Variants in SPOCK3 observed in about 807,000 individuals in gnomAD.
The protein encoded by SPOCK3 is testican-3.
A neutral mutation model predicts 56.6 loss-of-function variants in SPOCK3; 30 were observed. The ratio of observed to expected loss-of-function variants is 0.53; its 90% CI spans 0.40 to 0.72. The LOEUF (loss-of-function observed/expected upper bound fraction) is 0.72. SPOCK3 is among the 30% of genes least tolerant of loss of function. The pLI, the probability that SPOCK3 is intolerant of heterozygous loss-of-function variation, is 0.00. For synonymous variants in SPOCK3, 196 were observed against 183.3 expected (o/e 1.07, Z -0.56); for missense variants, 527 against 530.0 (o/e 0.99, Z 0.06).
At chr4:166,832,594 C>T (rs1043497145) in intron 6 of SPOCK3, among the ~76,000 whole-genome samples, 1 of 152,010 alleles carries the variant, frequency 6.6e-6, no homozygotes, top group African/African-American at 2.4e-5. Flanking sequence ...ATTGTTCTAC[C>T]AAAAAGACAC....
At position 167,073,183 on chromosome 4, in the gene SPOCK3, A is replaced by T. The variant is rs528145465; in HGVS notation, c.190-10646T>A. ...ATTATCTTAGTGTTCATAATTCATA[A>T]TTTTAAATCATCTATAATGCTAAAT... On this transcript the variant is annotated intron_variant, in intron 2 of 10. Transcript: ENST00000357545. Among the ~76,000 whole-genome samples, 5 of 151,800 alleles carry T rather than the reference A, an allele frequency of 3.3e-5. No individual in the cohort carries two copies. The East Asian group carries it at 7.8e-4, about 24-fold the overall frequency.
chr4:167,205,534 A>G (rs1311258477), intron 2 of SPOCK3, among the ~76,000 whole-genome samples: 4 of 56,922 alleles, frequency 7.0e-5, no homozygotes, highest in Non-Finnish European at 8.6e-5. Flanking sequence ...ATATTATTAT[A>G]TAATATATAT....
In SPOCK3 at chr4:166,754,683, C is replaced by A. The variant is rs1157614435; in HGVS notation, c.756G>T (p.Trp252Cys). Reference sequence around the variant, plus strand: ...AGTTTGTATCAAGTCTGTTAAACATCCAGCCAAGTGAGTCCTTGCAAATTG... The same window carrying A: ...AGTTTGTATCAAGTCTGTTAAACATACAGCCAAGTGAGTCCTTGCAAATTG... ...ILPICKDSLG[W>C]MFNRLDTNYD... is the part of the protein sequence containing the mutation. The change falls in exon 8 of 11, where the codon TGG becomes TGT. Residue 252 changes from tryptophan (W) to cysteine (C), a missense_variant. Transcript: ENST00000357545. 6.2e-7 allele frequency: 1 copy of A among 1,613,634 alleles called. No individual in the cohort carries two copies. The highest frequency in any genetic ancestry group is 1.7e-5 in the Admixed American group (1 of 59,938).
At chr4:166,905,083 A>G (rs1736472198) in intron 5 of SPOCK3, among the ~76,000 whole-genome samples, 1 of 152,004 alleles carries the variant, frequency 6.6e-6, no homozygotes, top group South Asian at 2.1e-4. Flanking sequence ...TTATAAAAAA[A>G]GTCTTGTAAT....
chr4:167,004,830 G>T (rs1052034518), intron 3 of SPOCK3, among the ~76,000 whole-genome samples: 2 of 152,162 alleles, frequency 1.3e-5, no homozygotes, highest in Non-Finnish European at 2.9e-5. Context: ...AGCAAGTTTA[G>T]TTGTGAGAAG....
intron 4 of SPOCK3, among the ~76,000 whole-genome samples, chr4:166,992,132 T>G (rs1193004079): frequency 6.6e-6 from 1 of 152,038 alleles, no homozygotes; most frequent in Admixed American, 6.6e-5. Flanking sequence ...AAATATATAT[T>G]AAAATATTCC....
chr4:167,214,667 A>T (rs1735193970), intron 2 of SPOCK3, among the ~76,000 whole-genome samples: 1 of 152,160 alleles, frequency 6.6e-6, no homozygotes, highest in Admixed American at 6.5e-5. Context: ...CTGTAATTTT[A>T]CACACAGAGA....
chr4:166,878,539 T>TA (rs539952838), intron 6 of SPOCK3, among the ~76,000 whole-genome samples: 250 of 152,012 alleles, frequency 1.6e-3, no homozygotes, highest in Middle Eastern at 6.8e-3. Flanking sequence ...TTTAAATGTA[T>TA]AAAAAATCTT....
intron 2 of SPOCK3, among the ~76,000 whole-genome samples, chr4:167,103,533 G>A (rs1759838761): frequency 6.6e-6 from 1 of 152,142 alleles, no homozygotes; most frequent in Non-Finnish European, 1.5e-5. Context: ...GAGTGGGAAG[G>A]ACTTTGTCTT....
chr4:167,234,009 G>C lies in SPOCK3; in HGVS notation c.165C>G (p.Val55=), dbSNP rs753664583. 10 of 1,613,902 alleles carry C rather than the reference G, an allele frequency of 6.2e-6. No individual in the cohort carries two copies. In the Admixed American group the frequency reaches 1.5e-4, roughly 24 times the overall value. Residue 55 remains valine, a synonymous_variant, in exon 2 of 11, where the codon GTC becomes GTG. Transcript: ENST00000357545. The stretch of plus-strand genomic sequence containing the variant: ...CGTCTCGGAATTTGTTCCACTGTCC[G>C]ACTTCCTTGTCATACTGAGAGATTG... ...LTTISQYDKE[V]GQWNKFRDDD...
intron 6 of SPOCK3, among the ~76,000 whole-genome samples, chr4:166,832,096 C>A (rs1377908894): frequency 3.9e-5 from 6 of 151,932 alleles, no homozygotes; most frequent in Middle Eastern, 3.2e-3. Context: ...TAATTAGGTA[C>A]CCTTTTTCAA....
chr4:167,030,015 G>C (rs899789783), intron 3 of SPOCK3, among the ~76,000 whole-genome samples: 1 of 151,298 alleles, frequency 6.6e-6, no homozygotes, highest in Non-Finnish European at 1.5e-5. Context: ...GTATTTTCTC[G>C]CTCTTCTATT....
intron 6 of SPOCK3, among the ~76,000 whole-genome samples, chr4:166,856,154 A>G (rs897513): frequency 0.75 from 114,384 of 151,666 alleles, 43,130 homozygotes; most frequent in East Asian, 0.83. Flanking sequence ...GTTACCAGAG[A>G]CTGAGGGGAG....
chr4:166,955,113 T>C (rs1011235672), intron 4 of SPOCK3, among the ~76,000 whole-genome samples: 6 of 152,172 alleles, frequency 3.9e-5, no homozygotes, highest in African/African-American at 1.4e-4. Context: ...TGTAAATTCA[T>C]GATTCACACA....
chr4:166,958,434 A>G (rs916524560), intron 4 of SPOCK3, among the ~76,000 whole-genome samples: 5 of 152,082 alleles, frequency 3.3e-5, no homozygotes, highest in African/African-American at 9.7e-5. Context: ...GAACAAACTA[A>G]TACACCTCCT....
chr4:167,133,849 A>C (rs1295386633), intron 2 of SPOCK3, among the ~76,000 whole-genome samples: 1 of 152,080 alleles, frequency 6.6e-6, no homozygotes, highest in South Asian at 2.1e-4. Flanking sequence ...AAACTACAAA[A>C]TAAATTGCTA....
intron 6 of SPOCK3, among the ~76,000 whole-genome samples, chr4:166,841,889 T>C (rs1022428793): frequency 6.6e-6 from 1 of 152,200 alleles, no homozygotes. Context: ...CGTGGACCCT[T>C]GCGATGAGTG....
chr4:166,918,175 T>A (rs1165435346), intron 4 of SPOCK3, among the ~76,000 whole-genome samples: 1 of 152,188 alleles, frequency 6.6e-6, no homozygotes, highest in Non-Finnish European at 1.5e-5. Context: ...CAAAGGACAG[T>A]TGCTATTAGC....
chr4:167,124,806 G>A (rs981920392), intron 2 of SPOCK3, among the ~76,000 whole-genome samples: 6 of 151,866 alleles, frequency 4.0e-5, no homozygotes, highest in Non-Finnish European at 8.8e-5. Context: ...CTAAATATAC[G>A]GTCCCTTTAT....
Sources: gnomAD v4.1 joint callset for allele counts (sites outside exome capture counted in the v4.1 genomes callset) on GRCh38, gnomAD v4.1.1 for gene constraint, MANE v1.5 for transcripts, NCBI Gene and HGNC (gene_info 2026-07-23, HGNC 2026-07-21) for gene names.